MYO18B: variants seen among roughly 807,000 people sequenced by gnomAD.
MYO18B encodes the protein myosin XVIIIB, also known as unconventional myosin-XVIIIb.
MYO18B carries 204 observed loss-of-function variants against 273.0 expected under a neutral mutation model. The observed-to-expected ratio is 0.75, with a 90% confidence interval of 0.67 to 0.84. The LOEUF (loss-of-function observed/expected upper bound fraction) is 0.84. Ranked by LOEUF, MYO18B falls within the 40% of genes least tolerant of loss-of-function variation. The pLI, the probability that MYO18B is intolerant of heterozygous loss-of-function variation, is 0.00. For synonymous variants in MYO18B, 1,330 were observed against 1,305.7 expected (o/e 1.02, Z -0.40); for missense variants, 3,212 against 3,287.6 (o/e 0.98, Z 0.56).
At chr22:25,932,654 T>A (rs1282519995) in intron 34 of MYO18B, among the ~76,000 whole-genome samples, 2 of 151,790 alleles carry the variant, frequency 1.3e-5, no homozygotes, top group African/African-American at 4.8e-5. Flanking sequence ...AGGTGATCTG[T>A]CCACCTCGGC....
Position 25,878,007 on chromosome 22 carries a change from C to G in MYO18B, c.4273C>G (p.Arg1425Gly). 6.3e-7 allele frequency: 1 copy of G among 1,584,692 alleles called. No individual in the cohort carries two copies. Among genetic ancestry groups the G allele is most frequent in the South Asian group, 1.2e-5 (1 of 86,110 alleles). ...GAAGCTAGAAAAATCAGAGAAGTTG[C>G]GGAATGAACTCCGGCAGAACACAGA... Reference protein sequence around the residue: ...RRKLEKSEKLRNELRQNTDLL... With the variant: ...RRKLEKSEKLGNELRQNTDLL... The change falls in exon 25 of 44, where the codon CGG (arginine) becomes GGG (glycine). Residue 1425 changes from arginine to glycine, a missense_variant. Arg to Gly is a moderately radical substitution (Grantham distance 125). Coordinates refer to ENST00000335473, the MANE Select transcript of MYO18B (RefSeq NM_032608.7).
intron 12 of MYO18B, among the ~76,000 whole-genome samples, chr22:25,810,071 C>T (rs921741939): frequency 6.7e-6 from 1 of 148,210 alleles, no homozygotes; most frequent in Admixed American, 6.7e-5. Flanking sequence ...CCACTGTGAA[C>T]AGTTTGGGGT....
At chr22:25,813,220 T>C (rs1408926312) in intron 12 of MYO18B, among the ~76,000 whole-genome samples, 1 of 148,476 alleles carries the variant, frequency 6.7e-6, no homozygotes, top group Non-Finnish European at 1.5e-5. Context: ...GTTTCGCTCT[T>C]GTTGCCCAGG....
chr22:25,811,274 C>T (rs4411820), intron 12 of MYO18B, among the ~76,000 whole-genome samples: 40,705 of 151,732 alleles, frequency 0.27, 5,693 homozygotes, highest in African/African-American at 0.32. Context: ...CCTCCCACTT[C>T]GGTCTCCCAA....
chr22:26,044,219 A>C, the MYO18B span, among the ~76,000 whole-genome samples: 11 of 152,194 alleles, frequency 7.2e-5, no homozygotes, highest in Admixed American at 7.2e-4. Context: ...TATATGATTT[A>C]GATGCAAGTT....
chr22:25,792,481 CT>C (rs376827286), intron 11 of MYO18B, among the ~76,000 whole-genome samples: 2 of 54,410 alleles, frequency 3.7e-5, no homozygotes, highest in African/African-American at 9.5e-5. Flanking sequence ...TGTGATGTTT[CT>C]TTTTTTTTTC....
chr22:25,821,974 T>G (rs1280033388), intron 12 of MYO18B, among the ~76,000 whole-genome samples: 1 of 152,224 alleles, frequency 6.6e-6, no homozygotes, highest in Non-Finnish European at 1.5e-5. Context: ...ACAGTTGATA[T>G]CACTATGATA....
chr22:25,812,547 T>C lies in MYO18B; in HGVS notation c.2522-10958T>C, dbSNP rs544778702. On this transcript the variant is annotated intron_variant, in intron 12 of 43. Coordinates refer to ENST00000335473, the MANE Select transcript of MYO18B (RefSeq NM_032608.7). ...ATTCTTCAAGCTCTGAATTAAAGGG[T>C]GTGAAGAGTGGTGGAGTCAGGAGAA... Among the ~76,000 whole-genome samples the C allele has an allele frequency of 1.1e-4, 16 of 152,186 alleles. 1 individual carries two copies. The South Asian group carries it at 3.3e-3, about 32-fold the overall frequency.
chr22:25,836,427 C>T (rs1265363212), intron 17 of MYO18B, among the ~76,000 whole-genome samples: 4 of 152,118 alleles, frequency 2.6e-5, no homozygotes, highest in Non-Finnish European at 4.4e-5. Flanking sequence ...TGATGGAGAA[C>T]ATGATTCTGG....
intron 27 of MYO18B, 28 bp downstream of exon 27, chr22:25,891,440 G>A: frequency 7.1e-7 from 1 of 1,398,948 alleles, no homozygotes; most frequent in Non-Finnish European, 9.9e-7. Flanking sequence ...CTTGGGGCTG[G>A]AAGGTGATGG....
chr22:25,859,080 C>T lies in MYO18B; in HGVS notation c.3885+7501C>T, dbSNP rs188342851. 3.4e-4 allele frequency among the ~76,000 whole-genome samples: 51 copies of T among 152,150 alleles called. No individual in the cohort carries two copies. In the East Asian group the frequency reaches 6.7e-3, roughly 20 times the overall value. On this transcript the variant is annotated intron_variant, in intron 21 of 43. Transcript: ENST00000335473. ...ATTGACATGGTGACTTTCATATACA[C>T]AGAGTAAATAATAAATGTAATCAAT...
chr22:25,890,788 G>A lies in MYO18B; in HGVS notation c.4347G>A (p.Glu1449=), dbSNP rs1219723515. The A allele has an allele frequency of 6.2e-7, 1 of 1,613,976 alleles. No individual in the cohort carries two copies. The highest frequency in any genetic ancestry group is 1.1e-5 in the South Asian group (1 of 91,076). Residue 1449 remains glutamate, a synonymous_variant, in exon 26 of 44, where the codon GAG becomes GAA. Coordinates refer to ENST00000335473, the MANE Select transcript of MYO18B (RefSeq NM_032608.7). ...ACTTGACCTCTGACCTTGCCGATGA[G>A]CGCTTCAAAGGTGATGTGGCCTGCC... ...IADLTSDLAD[E]RFKGDVACQV... is the part of the protein sequence containing the mutation.
intron 34 of MYO18B, among the ~76,000 whole-genome samples, chr22:25,942,984 T>A (rs113746630): frequency 1.0e-3 from 157 of 151,834 alleles, no homozygotes; most frequent in African/African-American, 3.4e-3. Context: ...AAAAATAGAG[T>A]CTCCTTTCTC....
At chr22:25,990,742 T>A (rs1276476602) in intron 39 of MYO18B, among the ~76,000 whole-genome samples, 98 of 107,520 alleles carry the variant, frequency 9.1e-4, no homozygotes, top group South Asian at 2.8e-3. Context: ...AAAAAAAGAC[T>A]CCAGGCTAAG....
intron 21 of MYO18B, among the ~76,000 whole-genome samples, chr22:25,859,066 G>A (rs1334717733): frequency 6.6e-6 from 1 of 152,114 alleles, no homozygotes; most frequent in Admixed American, 6.5e-5. Context: ...TTGACATGGT[G>A]ACTTTCATAT....
downstream of MYO18B, among the ~76,000 whole-genome samples, chr22:26,032,044 A>T (rs1398023898): frequency 1.3e-5 from 2 of 152,166 alleles, no homozygotes; most frequent in Admixed American, 1.3e-4. Flanking sequence ...ATGGGAGAAG[A>T]CCCAGGCTCT....
At chr22:25,997,978 CG>C (rs1937370400) in intron 40 of MYO18B, among the ~76,000 whole-genome samples, 9 of 144,548 alleles carry the variant, frequency 6.2e-5, no homozygotes, top group African/African-American at 2.4e-4. Flanking sequence ...CACACACACA[CG>C]AGAGAGAGAG....
chr22:25,786,725 A>G (rs1034098243), intron 11 of MYO18B, among the ~76,000 whole-genome samples: 1 of 152,222 alleles, frequency 6.6e-6, no homozygotes, highest in African/African-American at 2.4e-5. Context: ...AGTCACTATT[A>G]GTATGAAGAA....
chr22:25,770,067 C>A, intron 4 of MYO18B, 43 bp from the exon 5 acceptor site: 1 of 1,593,528 alleles, frequency 6.3e-7, no homozygotes, highest in Non-Finnish European at 8.6e-7. Flanking sequence ...AGATGGGCAG[C>A]GGTGCCATTT....
Sources: allele counts gnomAD v4.1 joint callset (sites outside exome capture counted in the v4.1 genomes callset), GRCh38; gene constraint gnomAD v4.1.1; transcripts MANE v1.5; gene names NCBI Gene and HGNC (gene_info 2026-07-23, HGNC 2026-07-21).